Variants in ROBO2 observed in about 807,000 individuals in gnomAD.
The protein encoded by ROBO2 is roundabout guidance receptor 2, also known as roundabout homolog 2.
A neutral mutation model predicts 160.8 loss-of-function variants in ROBO2; 53 were observed. That is an observed-to-expected ratio of 0.33 (90% confidence interval 0.26 to 0.41). ROBO2 has a LOEUF of 0.41. Among genes scored for constraint, ROBO2 ranks in the 10% least tolerant of loss-of-function variants. ROBO2 has a pLI of 1.00. For synonymous variants in ROBO2, 664 were observed against 611.7 expected (o/e 1.09, Z -1.26); for missense variants, 1,577 against 1,722.4 (o/e 0.92, Z 1.49).
intron 8 of ROBO2, among the ~76,000 whole-genome samples, chr3:77,553,259 G>A (rs1017798216): frequency 2.6e-5 from 4 of 151,890 alleles, no homozygotes; most frequent in Non-Finnish European, 5.9e-5. Flanking sequence ...ATCACAAACT[G>A]CACCCATATA....
At chr3:77,475,567 A>G (rs553385522) in intron 2 of ROBO2, among the ~76,000 whole-genome samples, 4 of 152,324 alleles carry the variant, frequency 2.6e-5, no homozygotes, top group African/African-American at 9.6e-5. Flanking sequence ...TCAACTGGCC[A>G]GCTGTGCCAT....
chr3:77,608,632 A>T (rs1159732780), intron 21 of ROBO2, among the ~76,000 whole-genome samples: 6 of 152,130 alleles, frequency 3.9e-5, no homozygotes, highest in Admixed American at 2.0e-4. Context: ...AGACACTGAT[A>T]TTTTTTATCC....
chr3:76,820,214 T>C (rs2065999224), intron 2 of ROBO2, among the ~76,000 whole-genome samples: 1 of 152,072 alleles, frequency 6.6e-6, no homozygotes, highest in Admixed American at 6.6e-5. Flanking sequence ...ACCTCTGGCA[T>C]TCTCAATCAC....
intron 2 of ROBO2, among the ~76,000 whole-genome samples, chr3:76,534,118 T>C (rs756929362): frequency 4.6e-5 from 7 of 152,082 alleles, no homozygotes; most frequent in Admixed American, 6.6e-5. Flanking sequence ...GGGGAGTTTT[T>C]TTTGGAGGGG....
At chr3:76,441,728 T>C (rs960301192) in intron 2 of ROBO2, among the ~76,000 whole-genome samples, 1 of 152,166 alleles carries the variant, frequency 6.6e-6, no homozygotes, top group Admixed American at 6.6e-5. Context: ...TTTAGCTAGA[T>C]GAAGAAATGC....
chr3:76,811,775 C>CTTCCTTCCTTCCTTCCT (rs1173423323), intron 2 of ROBO2, among the ~76,000 whole-genome samples: 1 of 96,866 alleles, frequency 1.0e-5, no homozygotes, highest in African/African-American at 4.2e-5. Context: ...CTCTCTTTCC[C>CTTCCTTCCTTCCTTCCT]TCCTTCCTTC....
chr3:76,932,132 A>C (rs995328375), intron 2 of ROBO2, among the ~76,000 whole-genome samples: 6 of 152,192 alleles, frequency 3.9e-5, no homozygotes, highest in Non-Finnish European at 8.8e-5. Flanking sequence ...ACCAAAAAAA[A>C]TGGCATATAA....
At chr3:77,211,724 T>C (rs1404797214) in intron 2 of ROBO2, among the ~76,000 whole-genome samples, 1 of 152,252 alleles carries the variant, frequency 6.6e-6, no homozygotes, top group East Asian at 1.9e-4. Flanking sequence ...CATTTAAGTC[T>C]TTAATCCCTC....
chr3:76,318,594 T>A (rs764458824), intron 2 of ROBO2, among the ~76,000 whole-genome samples: 2 of 152,102 alleles, frequency 1.3e-5, no homozygotes, highest in Non-Finnish European at 2.9e-5. Context: ...GATATATTAG[T>A]GTTGGGGTTC....
chr3:77,201,309 G>A (rs549538360), intron 2 of ROBO2, among the ~76,000 whole-genome samples: 8 of 152,036 alleles, frequency 5.3e-5, no homozygotes, highest in Non-Finnish European at 8.8e-5. Flanking sequence ...TGACCATTTC[G>A]CCACTAAGAA....
intron 2 of ROBO2, among the ~76,000 whole-genome samples, chr3:76,233,757 G>C (rs1704765846): frequency 6.6e-6 from 1 of 152,090 alleles, no homozygotes; most frequent in Non-Finnish European, 1.5e-5. Context: ...ATTACCAAAA[G>C]GTTTAGATTC....
At chr3:76,449,170 A>G (rs936734678) in intron 2 of ROBO2, among the ~76,000 whole-genome samples, 1 of 152,142 alleles carries the variant, frequency 6.6e-6, no homozygotes, top group Admixed American at 6.6e-5. Flanking sequence ...TGATCTTACC[A>G]AATATATGTG....
chr3:76,188,325 CAGA>C (rs1291214596), intron 2 of ROBO2, among the ~76,000 whole-genome samples: 1 of 151,940 alleles, frequency 6.6e-6, no homozygotes, highest in African/African-American at 2.4e-5. Flanking sequence ...AATTTGAACA[CAGA>C]GACAGACACA....
At chr3:77,430,536 T>C (rs1262322693) in intron 2 of ROBO2, among the ~76,000 whole-genome samples, 1 of 152,100 alleles carries the variant, frequency 6.6e-6, no homozygotes, top group Non-Finnish European at 1.5e-5. Context: ...TTGTTTTCCC[T>C]CAAAATTCTT....
intron 2 of ROBO2, among the ~76,000 whole-genome samples, chr3:76,367,556 C>A (rs917681206): frequency 6.6e-6 from 1 of 151,842 alleles, no homozygotes; most frequent in Non-Finnish European, 1.5e-5. Flanking sequence ...TGCTCACACT[C>A]AATGTTATTT....
intron 1 of ROBO2, among the ~76,000 whole-genome samples, chr3:77,042,025 A>G (rs1378950746): frequency 1.3e-5 from 2 of 152,220 alleles, no homozygotes; most frequent in African/African-American, 4.8e-5. Context: ...CTACTGCTGC[A>G]TAGAGCCCAA....
At chr3:77,298,298 A>C (rs1223188747) in intron 2 of ROBO2, among the ~76,000 whole-genome samples, 4 of 152,164 alleles carry the variant, frequency 2.6e-5, no homozygotes, top group Admixed American at 6.6e-5. Flanking sequence ...GAGTTCAAGC[A>C]TGGAAAATGA....
At chr3:77,562,883 T>C in intron 10 of ROBO2, 151 bp downstream of exon 11, 1 of 726,256 alleles carries the variant, frequency 1.4e-6, no homozygotes, top group East Asian at 2.7e-5. Flanking sequence ...CATGCATGAA[T>C]TTGCACACAC....
At position 77,368,482 on chromosome 3, in the gene ROBO2, G is replaced by C. The variant is rs572571035; in HGVS notation, c.389-108932G>C. 4.6e-5 allele frequency among the ~76,000 whole-genome samples: 7 copies of C among 152,248 alleles called. No individual in the cohort carries two copies. In the East Asian group the frequency reaches 1.4e-3, roughly 29 times the overall value. On this transcript the variant is annotated intron_variant, in intron 2 of 25. Coordinates refer to ENST00000461745, the Ensembl canonical transcript of ROBO2. ...TGAGCACCAAATTTGCTCATTGGTG[G>C]TTTAGCAACTGTGTAGAATTTCAAG...
Sources: gnomAD v4.1 joint callset for allele counts (sites outside exome capture counted in the v4.1 genomes callset) on GRCh38, gnomAD v4.1.1 for gene constraint, MANE v1.5 for transcripts, NCBI Gene and HGNC (gene_info 2026-07-23, HGNC 2026-07-21) for gene names.